Variants in FAAH2 observed in about 807,000 individuals in gnomAD.
FAAH2 encodes fatty-acid amide hydrolase 2.
In FAAH2, 60 loss-of-function variants were observed where a neutral mutation model predicts 36.9. The ratio of observed to expected loss-of-function variants is 1.63; its 90% confidence interval spans 1.32 to 2.02. The LOEUF is 2.02. Among genes scored for constraint, FAAH2 ranks in the 30% most tolerant of loss-of-function variants. The pLI, the probability that FAAH2 is intolerant of heterozygous loss-of-function variation, is 0.00. For synonymous variants in FAAH2, 214 were observed against 143.8 expected (o/e 1.49, Z -3.49); for missense variants, 689 against 397.5 (o/e 1.73, Z -6.23).
At chrX:57,185,664 GC>G in the FAAH2 span, among the ~76,000 whole-genome samples, 1 of 110,257 alleles carries the variant, frequency 9.1e-6, no homozygotes, top group East Asian at 2.9e-4. Context: ...TAGGTTTTAA[GC>G]CCTGCATGCA....
chrX:57,343,105 T>C (rs1434386475), intron 5 of FAAH2, among the ~76,000 whole-genome samples: 1 of 111,916 alleles, frequency 8.9e-6, no homozygotes, highest in East Asian at 2.8e-4. Context: ...TTTGTCTTTT[T>C]GGTAGAACAA....
intron 5 of FAAH2, among the ~76,000 whole-genome samples, chrX:57,345,170 CTCCCT>C (rs1260011111): frequency 2.0e-5 from 2 of 100,432 alleles, no homozygotes; most frequent in Non-Finnish European, 4.1e-5. Flanking sequence ...ACCAGGTTTT[CTCCCT>C]TCCCTTCCCT....
At chrX:57,216,492 ATACG>A in the FAAH2 span, among the ~76,000 whole-genome samples, 1 of 68,862 alleles carries the variant, frequency 1.5e-5, no homozygotes, top group African/African-American at 7.7e-5. Flanking sequence ...TATTATATAT[ATACG>A]TATATGTATA....
intron 3 of FAAH2, among the ~76,000 whole-genome samples, chrX:57,329,693 C>T (rs754710236): frequency 9.1e-6 from 1 of 109,809 alleles, no homozygotes; most frequent in African/African-American, 3.3e-5. Context: ...TGGGCGAGTG[C>T]ATGTAGGCAA....
intron 10 of FAAH2, among the ~76,000 whole-genome samples, chrX:57,459,339 T>C (rs1406658295): frequency 8.9e-6 from 1 of 112,233 alleles, no homozygotes; most frequent in East Asian, 2.8e-4. Context: ...CAGGGGCTTA[T>C]AGATAAATCT....
intron 5 of FAAH2, among the ~76,000 whole-genome samples, chrX:57,370,185 C>T (rs887048024): frequency 9.9e-5 from 11 of 110,969 alleles, no homozygotes; most frequent in Admixed American, 4.8e-4. Flanking sequence ...ACAAAATGGC[C>T]GAAGCTAGTC....
At chrX:57,166,129 G>A in the FAAH2 span, among the ~76,000 whole-genome samples, 1,033 of 109,223 alleles carry the variant, frequency 9.5e-3, 9 homozygotes, top group South Asian at 0.024. Context: ...GGGGGTGGTC[G>A]GAGGAGAGTA....
the FAAH2 span, among the ~76,000 whole-genome samples, chrX:57,160,556 G>T: frequency 4.2e-4 from 47 of 111,671 alleles, no homozygotes; most frequent in African/African-American, 1.5e-3. Flanking sequence ...ACTTCTTCCT[G>T]GTTTAGTCTT....
In FAAH2 at chrX:57,486,893, A is replaced by C. The variant is rs145829857; in HGVS notation, c.1424-1864A>C. On this transcript the variant is annotated intron_variant, in intron 10 of 10. Coordinates refer to ENST00000374900, the MANE Select transcript of FAAH2 (RefSeq NM_174912.4). ...TTCATGAAAGTATTCTTATCTGCGG[A>C]TAGTTAGTAGTTGGATTTATGTGAC... Among the ~76,000 whole-genome samples the C allele has an allele frequency of 1.8e-4, 20 of 111,586 alleles. No individual in the cohort carries two copies. The East Asian group carries it at 5.6e-3, about 31-fold the overall frequency.
At position 57,393,645 on chromosome X, in the gene FAAH2, T is replaced by C. The variant is rs184409027; in HGVS notation, c.996+12616T>C. 1.4e-5 allele frequency: 13 copies of C among 953,986 alleles called. No homozygotes were observed. In the Admixed American group the frequency reaches 1.8e-4, roughly 13 times the overall value. The allele number at this position is 953,986 out of a possible 1,213,427, so 78.6% of individuals were successfully genotyped here. A position where few individuals can be genotyped will look rare whatever the true frequency, so the allele number is the denominator to read the frequency against. On this transcript the variant is annotated intron_variant, in intron 7 of 10. Transcript: ENST00000374900. ...CCACTCACCCCCAGATCTTCAGCAC[T>C]GACGGGGTCTCCTTTCTTACTGGAT...
At chrX:57,233,238 T>C in the FAAH2 span, among the ~76,000 whole-genome samples, 10 of 111,246 alleles carry the variant, frequency 9.0e-5, no homozygotes, top group Admixed American at 2.9e-4. Context: ...TGTGGGAGAG[T>C]TGGCATTTTA....
intron 7 of FAAH2, among the ~76,000 whole-genome samples, chrX:57,416,103 T>A (rs1378431013): frequency 9.0e-6 from 1 of 111,186 alleles, no homozygotes; most frequent in Non-Finnish European, 1.9e-5. Flanking sequence ...ATCCCTTTAT[T>A]TTGGGCCTAT....
chrX:57,125,844 A>T, the FAAH2 span, among the ~76,000 whole-genome samples: 8 of 111,923 alleles, frequency 7.1e-5, no homozygotes, highest in African/African-American at 2.6e-4. Flanking sequence ...GTGTATGTAA[A>T]TCATACCTCA....
chrX:57,345,951 T>G (rs954726602), intron 5 of FAAH2, among the ~76,000 whole-genome samples: 1 of 111,780 alleles, frequency 8.9e-6, no homozygotes, highest in Non-Finnish European at 1.9e-5. Flanking sequence ...TTTATTTATA[T>G]TGGTTTCTAT....
intron 5 of FAAH2, among the ~76,000 whole-genome samples, chrX:57,371,943 C>T (rs753959998): frequency 9.8e-5 from 11 of 111,720 alleles, no homozygotes; most frequent in Non-Finnish European, 2.1e-4. Flanking sequence ...GAATAATGGC[C>T]TCAGGCTGCA....
chrX:57,287,670 C>T (rs948379826), intron 1 of FAAH2, among the ~76,000 whole-genome samples: 2 of 111,698 alleles, frequency 1.8e-5, no homozygotes, highest in African/African-American at 3.2e-5. Flanking sequence ...GCAGCTCATT[C>T]GTTCTCTATA....
chrX:57,345,517 C>CA (rs2053798606), intron 5 of FAAH2, among the ~76,000 whole-genome samples: 1 of 109,288 alleles, frequency 9.2e-6, no homozygotes, highest in Non-Finnish European at 1.9e-5. Flanking sequence ...TTTATTTGGA[C>CA]TTTTTTTTTC....
chrX:57,359,143 TCTAA>T (rs1418814090), intron 5 of FAAH2, among the ~76,000 whole-genome samples: 1 of 110,798 alleles, frequency 9.0e-6, no homozygotes, highest in Non-Finnish European at 1.9e-5. Context: ...ATTTATTCTA[TCTAA>T]CTATGTATTT....
At chrX:57,201,982 C>A in the FAAH2 span, among the ~76,000 whole-genome samples, 1 of 111,724 alleles carries the variant, frequency 9.0e-6, no homozygotes, top group Admixed American at 9.5e-5. Flanking sequence ...ATTTCTACTT[C>A]TTTATACTTA....
Sources: gnomAD v4.1 joint callset for allele counts (sites outside exome capture counted in the v4.1 genomes callset) on GRCh38, gnomAD v4.1.1 for gene constraint, MANE v1.5 for transcripts, NCBI Gene and HGNC (gene_info 2026-07-23, HGNC 2026-07-21) for gene names.